MACROD2: variants seen among roughly 807,000 people sequenced by gnomAD.
The protein encoded by MACROD2 is ADP-ribose glycohydrolase MACROD2.
MACROD2 carries 36 observed loss-of-function variants against 70.4 expected under a neutral mutation model. The ratio of observed to expected loss-of-function variants is 0.51; its 90% CI spans 0.39 to 0.68. The LOEUF is 0.68. Ranked by LOEUF, MACROD2 falls within the 30% of genes least tolerant of loss-of-function variation. MACROD2 has a pLI of 0.00. For synonymous variants in MACROD2, 172 were observed against 178.8 expected, an observed-to-expected ratio of 0.96 and a Z score of 0.30; for missense variants, 496 against 538.4, an observed-to-expected ratio of 0.92 and a Z score of 0.78.
At position 15,206,721 on chromosome 20, in the gene MACROD2, GTTTTTTTTTTTTTT is replaced by G. The variant is rs56752104; in HGVS notation, c.419-23206_419-23193del. On this transcript the variant is annotated intron_variant, in intron 5 of 17. Transcript: ENST00000684519. ...GCATGAAGTCTTTCATATTATCTAT[GTTTTTTTTTTTTTT>G]TTTTTTTTTTTTGAGACGGAGTCTC... 1.2e-4 allele frequency among the ~76,000 whole-genome samples: 4 copies of G among 32,988 alleles called. 1 individual carries two copies. The highest frequency in any genetic ancestry group is 6.1e-4 in the African/African-American group (4 of 6,532). 21.6% of individuals were successfully genotyped at this position (32,988 alleles called of 152,430 possible).
At chr20:15,931,341 G>T (rs1032350129) in intron 10 of MACROD2, among the ~76,000 whole-genome samples, 10 of 152,108 alleles carry the variant, frequency 6.6e-5, no homozygotes, top group Admixed American at 2.6e-4. Flanking sequence ...AGCCACCCCA[G>T]GTTCTCATAT....
chr20:15,461,556 T>C (rs550160942), intron 7 of MACROD2, among the ~76,000 whole-genome samples: 32 of 152,340 alleles, frequency 2.1e-4, no homozygotes, highest in South Asian at 6.2e-4. Flanking sequence ...GTGGACAAGT[T>C]AGTTAACTCT....
intron 5 of MACROD2, among the ~76,000 whole-genome samples, chr20:14,702,790 T>G (rs1600561844): frequency 1.3e-5 from 2 of 150,568 alleles, no homozygotes; most frequent in East Asian, 3.9e-4. Flanking sequence ...TGCAATGTCA[T>G]CATCTCGGCT....
At chr20:14,965,704 G>T (rs868647971) in intron 5 of MACROD2, among the ~76,000 whole-genome samples, 1 of 150,984 alleles carries the variant, frequency 6.6e-6, no homozygotes, top group African/African-American at 2.4e-5. Flanking sequence ...TCCTGACCTC[G>T]TGATCCACCC....
chr20:15,822,771 G>A (rs537990331), intron 8 of MACROD2, among the ~76,000 whole-genome samples: 5 of 152,246 alleles, frequency 3.3e-5, no homozygotes, highest in African/African-American at 9.6e-5. Flanking sequence ...GCGGGAGGAA[G>A]AAAGGAAGAG....
intron 3 of MACROD2, among the ~76,000 whole-genome samples, chr20:14,100,628 A>G (rs2054285843): frequency 1.4e-5 from 2 of 142,608 alleles, no homozygotes; most frequent in South Asian, 2.1e-4. Flanking sequence ...ATATAAAAAT[A>G]TATATTTTTT....
At chr20:14,131,966 C>G (rs1253616131) in intron 3 of MACROD2, among the ~76,000 whole-genome samples, 2 of 151,800 alleles carry the variant, frequency 1.3e-5, no homozygotes, top group African/African-American at 4.8e-5. Context: ...CCCGTCTCTA[C>G]TAAAAATACA....
At chr20:14,386,170 C>G (rs2083466242) in intron 3 of MACROD2, among the ~76,000 whole-genome samples, 1 of 152,162 alleles carries the variant, frequency 6.6e-6, no homozygotes. Context: ...AATAAAGAGA[C>G]TCACCCAAGA....
At chr20:14,878,297 G>A (rs753501552) in intron 5 of MACROD2, among the ~76,000 whole-genome samples, 1 of 152,042 alleles carries the variant, frequency 6.6e-6, no homozygotes, top group African/African-American at 2.4e-5. Flanking sequence ...GCATTTGTAC[G>A]CAAAGGTAGA....
chr20:15,971,168 G>T (rs935458416), intron 13 of MACROD2, among the ~76,000 whole-genome samples: 15 of 152,098 alleles, frequency 9.9e-5, no homozygotes, highest in Non-Finnish European at 1.8e-4. Context: ...AAAGGATCAT[G>T]TTTCTCTTCA....
chr20:14,980,717 T>A (rs2074789197), intron 5 of MACROD2, among the ~76,000 whole-genome samples: 1 of 152,204 alleles, frequency 6.6e-6, no homozygotes, highest in Admixed American at 6.5e-5. Flanking sequence ...ACTCAGTAAC[T>A]GGTTGCCATT....
intron 8 of MACROD2, among the ~76,000 whole-genome samples, chr20:15,834,395 G>T (rs2064090043): frequency 6.6e-6 from 1 of 152,116 alleles, no homozygotes; most frequent in South Asian, 2.1e-4. Flanking sequence ...TCCAGCATTT[G>T]TAGTTTTTCT....
chr20:16,044,327 C>T (rs1207708303), intron 16 of MACROD2, among the ~76,000 whole-genome samples: 2 of 152,150 alleles, frequency 1.3e-5, no homozygotes, highest in Non-Finnish European at 1.5e-5. Context: ...TCTCACCAGG[C>T]CCCACCTCCA....
intron 5 of MACROD2, among the ~76,000 whole-genome samples, chr20:15,144,734 G>A (rs760447712): frequency 3.3e-5 from 5 of 152,114 alleles, no homozygotes; most frequent in Non-Finnish European, 7.4e-5. Context: ...TATGTCCAGC[G>A]GGGAAACATG....
intron 2 of MACROD2, among the ~76,000 whole-genome samples, chr20:14,074,387 C>T (rs1216006440): frequency 6.6e-6 from 1 of 152,122 alleles, no homozygotes; most frequent in African/African-American, 2.4e-5. Context: ...AGCTGTATAC[C>T]TTTGAAGCCT....
intron 17 of MACROD2, 58 bp from the exon 18 acceptor site, chr20:16,049,772 C>A: frequency 6.4e-7 from 1 of 1,570,502 alleles, no homozygotes; most frequent in Non-Finnish European, 8.8e-7. Flanking sequence ...GTATTCCTTG[C>A]TAAGCCTGTG....
intron 5 of MACROD2, among the ~76,000 whole-genome samples, chr20:15,113,614 G>A (rs930829264): frequency 1.3e-5 from 2 of 152,114 alleles, no homozygotes; most frequent in African/African-American, 4.8e-5. Context: ...GTTGTGAATT[G>A]TATCTAATCT....
intron 15 of MACROD2, among the ~76,000 whole-genome samples, chr20:16,012,105 A>G (rs2147528994): frequency 6.6e-6 from 1 of 152,296 alleles, no homozygotes; most frequent in South Asian, 2.1e-4. Context: ...CTGAGACGCC[A>G]GCTTCTCTGA....
chr20:16,034,889 A>G (rs888800340), intron 15 of MACROD2, among the ~76,000 whole-genome samples: 2 of 151,280 alleles, frequency 1.3e-5, no homozygotes, highest in South Asian at 2.1e-4. Context: ...TAGCTCCCAC[A>G]TATCAGTGAG....
Sources: allele counts gnomAD v4.1 joint callset (sites outside exome capture counted in the v4.1 genomes callset), GRCh38; gene constraint gnomAD v4.1.1; transcripts MANE v1.5; gene names NCBI Gene and HGNC (gene_info 2026-07-23, HGNC 2026-07-21).